Variants in TASP1 observed in about 807,000 individuals in gnomAD.
TASP1 encodes taspase 1.
Under a neutral mutation model 56.6 loss-of-function variants are expected in TASP1, and 16 were observed. The ratio of observed to expected loss-of-function variants is 0.28; its 90% confidence interval spans 0.19 to 0.43. TASP1 has a LOEUF of 0.43. Ranked by LOEUF, TASP1 falls within the 20% of genes least tolerant of loss-of-function variation. The pLI, the probability that TASP1 is intolerant of heterozygous loss-of-function variation, is 1.00. For synonymous variants in TASP1, 179 were observed against 184.2 expected, an observed-to-expected ratio of 0.97 and a Z score of 0.23; for missense variants, 393 against 511.6, an observed-to-expected ratio of 0.77 and a Z score of 2.24.
intron 11 of TASP1, among the ~76,000 whole-genome samples, chr20:13,475,712 T>C (rs935747268): frequency 2.0e-5 from 3 of 152,186 alleles, no homozygotes; most frequent in South Asian, 2.1e-4. Context: ...CTGGCCAACA[T>C]GGTGAAACCC....
At chr20:13,204,550 T>A in the TASP1 span, among the ~76,000 whole-genome samples, 1 of 151,504 alleles carries the variant, frequency 6.6e-6, no homozygotes, top group East Asian at 1.9e-4. Context: ...TATATATGTA[T>A]ATTTTTTGAG....
intron 11 of TASP1, among the ~76,000 whole-genome samples, chr20:13,436,202 C>T (rs1235010694): frequency 1.3e-5 from 2 of 152,080 alleles, no homozygotes; most frequent in Non-Finnish European, 2.9e-5. Context: ...AAATTGTAGG[C>T]TTCAAGATCC....
chr20:13,522,008 G>A (rs1340668635), intron 10 of TASP1, among the ~76,000 whole-genome samples: 1 of 152,148 alleles, frequency 6.6e-6, no homozygotes, highest in Non-Finnish European at 1.5e-5. Flanking sequence ...GTGGGGGCTT[G>A]AGACACTGAG....
the TASP1 span, chr20:13,159,893 G>C: frequency 9.5e-6 from 13 of 1,365,552 alleles, no homozygotes; most frequent in Non-Finnish European, 1.1e-5. Flanking sequence ...TCATAAAAAA[G>C]AAAAAAGAAA....
the TASP1 span, among the ~76,000 whole-genome samples, chr20:13,302,023 A>T: frequency 1.4e-4 from 21 of 152,328 alleles, no homozygotes; most frequent in African/African-American, 5.1e-4. Flanking sequence ...AAGCAAAGAA[A>T]TAGGTAAGTA....
chr20:13,161,017 G>T, the TASP1 span, among the ~76,000 whole-genome samples: 1 of 152,184 alleles, frequency 6.6e-6, no homozygotes, highest in Non-Finnish European at 1.5e-5. Flanking sequence ...GGAGAGGAAA[G>T]GGGCAAAAGG....
the TASP1 span, among the ~76,000 whole-genome samples, chr20:13,205,673 A>G: frequency 2.6e-5 from 4 of 152,024 alleles, no homozygotes; most frequent in African/African-American, 9.7e-5. Context: ...TCATGACCCA[A>G]CTACTTCCCA....
chr20:13,201,200 G>A, the TASP1 span, among the ~76,000 whole-genome samples: 1 of 152,184 alleles, frequency 6.6e-6, no homozygotes, highest in African/African-American at 2.4e-5. Context: ...AAGACCATTC[G>A]CACAACTGCG....
intron 5 of TASP1, among the ~76,000 whole-genome samples, chr20:13,581,522 T>C (rs74932316): frequency 1.2e-3 from 178 of 152,214 alleles, no homozygotes; most frequent in Non-Finnish European, 1.3e-3. Context: ...TCCTTCAAAT[T>C]GGGTAAGGGT....
intron 13 of TASP1, among the ~76,000 whole-genome samples, chr20:13,414,579 T>C (rs1020933997): frequency 4.6e-5 from 7 of 152,198 alleles, no homozygotes; most frequent in Non-Finnish European, 1.0e-4. Context: ...GTATTATAGC[T>C]GAATAAGTTC....
the TASP1 span, among the ~76,000 whole-genome samples, chr20:13,148,314 C>T: frequency 6.6e-6 from 1 of 152,146 alleles, no homozygotes; most frequent in Non-Finnish European, 1.5e-5. Context: ...CTCCGTTAAC[C>T]TAGCCTGTCT....
the TASP1 span, among the ~76,000 whole-genome samples, chr20:13,261,500 G>T: frequency 4.0e-5 from 6 of 151,330 alleles, no homozygotes; most frequent in Admixed American, 3.3e-4. Flanking sequence ...TTAGAGAAAA[G>T]AAGAATTTGT....
At chr20:13,356,283 T>G in the TASP1 span, among the ~76,000 whole-genome samples, 1 of 152,216 alleles carries the variant, frequency 6.6e-6, no homozygotes, top group African/African-American at 2.4e-5. Context: ...GTCTACAGTT[T>G]TCCCAGATTT....
intron 11 of TASP1, among the ~76,000 whole-genome samples, chr20:13,435,808 G>A (rs909022574): frequency 6.6e-6 from 1 of 152,138 alleles, no homozygotes; most frequent in Non-Finnish European, 1.5e-5. Flanking sequence ...CATAGCAAGT[G>A]AGCACGTGGA....
intron 1 of TASP1, among the ~76,000 whole-genome samples, chr20:13,630,976 G>A (rs1030836107): frequency 5.3e-5 from 8 of 152,074 alleles, no homozygotes; most frequent in Admixed American, 2.6e-4. Flanking sequence ...GCAAAAATTT[G>A]AGCTTTTATT....
chr20:13,346,959 G>A, the TASP1 span, among the ~76,000 whole-genome samples: 5 of 152,310 alleles, frequency 3.3e-5, no homozygotes, highest in East Asian at 9.6e-4. Flanking sequence ...AGTGAAACAT[G>A]AATTAGCTAA....
At chr20:13,113,229 G>T in the TASP1 span, among the ~76,000 whole-genome samples, 1 of 152,138 alleles carries the variant, frequency 6.6e-6, no homozygotes, top group African/African-American at 2.4e-5. Flanking sequence ...TTTTCCAAAG[G>T]AGGGTTAGGA....
intron 10 of TASP1, among the ~76,000 whole-genome samples, chr20:13,488,392 G>A (rs2876356): frequency 0.22 from 33,654 of 151,796 alleles, 3,836 homozygotes; most frequent in Middle Eastern, 0.29. Context: ...AAAAGAAGCC[G>A]CAAGACTAAT....
the TASP1 span, among the ~76,000 whole-genome samples, chr20:13,283,137 C>A: frequency 6.6e-6 from 1 of 152,148 alleles, no homozygotes; most frequent in Non-Finnish European, 1.5e-5. Flanking sequence ...AACTCCTGGG[C>A]TCAAGCAGTC....
Sources: allele counts gnomAD v4.1 joint callset (sites outside exome capture counted in the v4.1 genomes callset), GRCh38; gene constraint gnomAD v4.1.1; transcripts MANE v1.5; gene names NCBI Gene and HGNC (gene_info 2026-07-23, HGNC 2026-07-21).